The following LRRC4C variants were observed in gnomAD, a reference collection of about 807,000 sequenced individuals.
LRRC4C encodes the protein leucine-rich repeat-containing protein 4C.
A neutral mutation model predicts 33.6 loss-of-function variants in LRRC4C; 5 were observed. That is an observed-to-expected ratio of 0.15 (90% confidence interval 0.08 to 0.31). LRRC4C has a LOEUF of 0.31. Ranked by LOEUF, LRRC4C falls within the 10% of genes least tolerant of loss-of-function variation. The probability of loss-of-function intolerance (pLI) is 1.00; values close to 1 mark genes in which losing one functional copy is unlikely to be tolerated. For missense variants in LRRC4C, 560 were observed against 796.7 expected (o/e 0.70, Z 3.58); for synonymous variants, 329 against 302.0 (o/e 1.09, Z -0.93).
Position 40,757,527 on chromosome 11 carries a change from G to A in LRRC4C, c.-406-109249C>T, listed in dbSNP as rs1286018295. On this transcript the variant is annotated intron_variant, in intron 2 of 6. Transcript: ENST00000528697. ...TTTATTTGTTTTTGTTTTGTTTTGT[G>A]TTTTGGCTAGTTATTTCTTTCATTA... Among the ~76,000 whole-genome samples the A allele has an allele frequency of 2.7e-5, 4 of 149,110 alleles. No individual in the cohort carries two copies. In the East Asian group the frequency reaches 5.9e-4, roughly 22 times the overall value.
At chr11:40,806,757 A>G (rs749627843) in intron 2 of LRRC4C, among the ~76,000 whole-genome samples, 4 of 152,214 alleles carry the variant, frequency 2.6e-5, no homozygotes, top group Non-Finnish European at 5.9e-5. Context: ...AGAAATGTAT[A>G]CATCTGCTTA....
chr11:40,582,823 A>T (rs1591175742), intron 3 of LRRC4C, among the ~76,000 whole-genome samples: 1 of 151,152 alleles, frequency 6.6e-6, no homozygotes, highest in African/African-American at 2.4e-5. Context: ...AGCCTGTTCA[A>T]TTTTTTTTTA....
intron 3 of LRRC4C, among the ~76,000 whole-genome samples, chr11:40,624,553 C>T (rs571659200): frequency 9.9e-5 from 15 of 152,200 alleles, no homozygotes; most frequent in Admixed American, 6.5e-4. Flanking sequence ...TTCTGAGTCT[C>T]CAGTGTGGCT....
At chr11:40,393,058 C>A (rs923912023) in intron 3 of LRRC4C, among the ~76,000 whole-genome samples, 4 of 151,884 alleles carry the variant, frequency 2.6e-5, no homozygotes, top group African/African-American at 9.7e-5. Context: ...AAAAAGCCCT[C>A]AGAGAGAATG....
intron 1 of LRRC4C, among the ~76,000 whole-genome samples, chr11:41,093,033 G>C (rs1940541436): frequency 6.6e-6 from 1 of 152,164 alleles, no homozygotes; most frequent in Non-Finnish European, 1.5e-5. Flanking sequence ...ATTAACAGTA[G>C]TAACGGTATT....
intron 1 of LRRC4C, among the ~76,000 whole-genome samples, chr11:41,177,373 C>T (rs1213451965): frequency 3.3e-5 from 5 of 152,126 alleles, no homozygotes; most frequent in Non-Finnish European, 7.3e-5. Context: ...TATTGCTTTT[C>T]CTACTTATGA....
rs551278454 is a variant in LRRC4C at position 40,532,991 on chromosome 11, AACTC to A, written c.-270+115147_-270+115150del. The stretch of plus-strand genomic sequence containing the variant: ...TTATAAAACCATCAGATCTTGTGGG[AACTC>A]ACTCACTATCACGAGAACAGCAAAC... On this transcript the variant is annotated intron_variant, in intron 3 of 6. Coordinates refer to ENST00000528697, the MANE Select transcript of LRRC4C (RefSeq NM_001258419.2). Among the ~76,000 whole-genome samples, 807 of 152,172 alleles carry A rather than the reference AACTC, an allele frequency of 5.3e-3. 2 individuals carry two copies. Among genetic ancestry groups the A allele is most frequent in the Non-Finnish European group, 9.1e-3 (621 of 67,980 alleles).
chr11:40,423,415 G>A (rs995667000), intron 3 of LRRC4C, among the ~76,000 whole-genome samples: 2 of 147,004 alleles, frequency 1.4e-5, no homozygotes, highest in Admixed American at 7.0e-5. Flanking sequence ...CGCCATCTCG[G>A]CTCACTGCAA....
intron 3 of LRRC4C, among the ~76,000 whole-genome samples, chr11:40,495,247 A>T (rs1285117022): frequency 6.6e-6 from 1 of 152,190 alleles, no homozygotes; most frequent in African/African-American, 2.4e-5. Context: ...GTGCGAAGCG[A>T]GGAGGTTCAA....
At chr11:41,284,294 G>C (rs535871188) in intron 1 of LRRC4C, among the ~76,000 whole-genome samples, 1 of 152,212 alleles carries the variant, frequency 6.6e-6, no homozygotes, top group Non-Finnish European at 1.5e-5. Flanking sequence ...CTGTGAAAGT[G>C]CGTTTTACAT....
intron 3 of LRRC4C, among the ~76,000 whole-genome samples, chr11:40,422,100 A>G (rs926223021): frequency 1.3e-5 from 2 of 152,350 alleles, no homozygotes; most frequent in South Asian, 2.1e-4. Context: ...CTAAAAATAT[A>G]TAAAGAGTTT....
At chr11:40,834,470 C>CA (rs1166883264) in intron 2 of LRRC4C, among the ~76,000 whole-genome samples, 1,679 of 71,226 alleles carry the variant, frequency 0.024, 14 homozygotes, top group Middle Eastern at 0.094. Flanking sequence ...GATTCCATCT[C>CA]AAAAAAAAAA....
At chr11:40,926,827 T>G (rs976265525) in intron 2 of LRRC4C, among the ~76,000 whole-genome samples, 3 of 152,178 alleles carry the variant, frequency 2.0e-5, no homozygotes, top group Admixed American at 2.0e-4. Context: ...GAATAATATT[T>G]TCAATAAAAT....
At chr11:41,377,883 C>G (rs1479194539) in intron 1 of LRRC4C, among the ~76,000 whole-genome samples, 1 of 152,140 alleles carries the variant, frequency 6.6e-6, no homozygotes, top group African/African-American at 2.4e-5. Context: ...GAGCACCGTA[C>G]CAATAGAAAA....
At chr11:41,036,645 A>G (rs1857087367) in intron 1 of LRRC4C, among the ~76,000 whole-genome samples, 1 of 109,202 alleles carries the variant, frequency 9.2e-6, no homozygotes, top group Non-Finnish European at 2.1e-5. Flanking sequence ...CAGGTGTTGA[A>G]GGAAGCATTT....
At chr11:41,364,970 A>AGTGT (rs372240682) in intron 1 of LRRC4C, among the ~76,000 whole-genome samples, 24 of 150,240 alleles carry the variant, frequency 1.6e-4, no homozygotes, top group African/African-American at 4.9e-4. Context: ...AACACCATGG[A>AGTGT]GTGTGTGTGT....
At chr11:41,043,863 C>T (rs1269093842) in intron 1 of LRRC4C, among the ~76,000 whole-genome samples, 1 of 151,640 alleles carries the variant, frequency 6.6e-6, no homozygotes, top group Non-Finnish European at 1.5e-5. Context: ...TGCACTGTAC[C>T]TCATTTCTCA....
chr11:40,601,634 T>A (rs1960001774), intron 3 of LRRC4C, among the ~76,000 whole-genome samples: 1 of 152,228 alleles, frequency 6.6e-6, no homozygotes, highest in Non-Finnish European at 1.5e-5. Context: ...TCATTAAAAT[T>A]TCCACGATGG....
At chr11:40,270,782 ACTT>A (rs1942634467) in intron 4 of LRRC4C, among the ~76,000 whole-genome samples, 1 of 152,174 alleles carries the variant, frequency 6.6e-6, no homozygotes, top group Non-Finnish European at 1.5e-5. Context: ...CTAAACAAAA[ACTT>A]CTGCTACCAC....
Sources: gnomAD v4.1 joint callset for allele counts (sites outside exome capture counted in the v4.1 genomes callset) on GRCh38, gnomAD v4.1.1 for gene constraint, MANE v1.5 for transcripts, NCBI Gene and HGNC (gene_info 2026-07-23, HGNC 2026-07-21) for gene names.